CRYL1: variants seen among roughly 807,000 people sequenced by gnomAD.
CRYL1 encodes the protein lambda-crystallin homolog.
In CRYL1, 29 loss-of-function variants were observed where a neutral mutation model predicts 36.6. The observed-to-expected ratio is 0.79, with a 90% CI of 0.59 to 1.08. The LOEUF is 1.08. Among genes scored for constraint, CRYL1 ranks in the 50% least tolerant of loss-of-function variants. CRYL1 has a pLI of 0.00. For missense variants in CRYL1, 411 were observed against 407.9 expected (o/e 1.01, Z -0.06); for synonymous variants, 152 against 151.5 (o/e 1.00, Z -0.02).
chr13:20,448,428 T>C (rs144933011), intron 3 of CRYL1, among the ~76,000 whole-genome samples: 1 of 152,268 alleles, frequency 6.6e-6, no homozygotes, highest in African/African-American at 2.4e-5. Flanking sequence ...AGTAACCAAA[T>C]TCCATATCCA....
At chr13:20,429,152 G>A (rs1223093991) in intron 5 of CRYL1, among the ~76,000 whole-genome samples, 2 of 152,202 alleles carry the variant, frequency 1.3e-5, no homozygotes, top group African/African-American at 4.8e-5. Flanking sequence ...TCACTGAGGA[G>A]AAGCTCTGCA....
chr13:20,426,890 G>C, intron 5 of CRYL1: 1 of 985,484 alleles, frequency 1.0e-6, no homozygotes. Context: ...CTGCGGCCCA[G>C]GCCCTAAGGA....
chr13:20,509,478 C>T (rs933152361), intron 2 of CRYL1, among the ~76,000 whole-genome samples: 2 of 152,020 alleles, frequency 1.3e-5, no homozygotes, highest in Admixed American at 6.5e-5. Context: ...CACAGAGAGT[C>T]GCAGCAAATG....
chr13:20,450,646 A>G (rs1218555243), intron 3 of CRYL1, among the ~76,000 whole-genome samples: 5 of 152,336 alleles, frequency 3.3e-5, no homozygotes, highest in Non-Finnish European at 4.4e-5. Flanking sequence ...TGTGGAAGAC[A>G]GTGTGGCGAT....
At chr13:20,443,289 T>C (rs1248153501) in intron 3 of CRYL1, among the ~76,000 whole-genome samples, 7 of 152,214 alleles carry the variant, frequency 4.6e-5, no homozygotes. Context: ...CACTTGCTTA[T>C]GCAACATACA....
chr13:20,467,550 G>A (rs1040199480), intron 3 of CRYL1, among the ~76,000 whole-genome samples: 30 of 152,156 alleles, frequency 2.0e-4, no homozygotes, highest in African/African-American at 4.6e-4. Flanking sequence ...GGCCTTGCGT[G>A]GTAGCTCATG....
intron 6 of CRYL1, among the ~76,000 whole-genome samples, chr13:20,412,302 C>T (rs1187961719): frequency 6.6e-6 from 1 of 152,106 alleles, no homozygotes; most frequent in Admixed American, 6.6e-5. Flanking sequence ...ACTCTGGTCA[C>T]TTTTTTCTGG....
At chr13:20,432,760 G>A (rs2032100824) in intron 4 of CRYL1, among the ~76,000 whole-genome samples, 1 of 152,114 alleles carries the variant, frequency 6.6e-6, no homozygotes, top group African/African-American at 2.4e-5. Flanking sequence ...GCTCACACCT[G>A]TAATCCCAGA....
At chr13:20,462,660 A>G (rs1485249458) in intron 3 of CRYL1, among the ~76,000 whole-genome samples, 1 of 151,602 alleles carries the variant, frequency 6.6e-6, no homozygotes, top group Non-Finnish European at 1.5e-5. Flanking sequence ...TAAAGCTCTC[A>G]TCGGAAGGGC....
chr13:20,448,471 C>T (rs1336831275), intron 3 of CRYL1, among the ~76,000 whole-genome samples: 3 of 152,112 alleles, frequency 2.0e-5, no homozygotes, highest in Admixed American at 6.5e-5. Flanking sequence ...AGAATATACA[C>T]CTCTCCCTTC....
intron 3 of CRYL1, among the ~76,000 whole-genome samples, chr13:20,484,024 G>A (rs2033341190): frequency 6.6e-6 from 1 of 152,184 alleles, no homozygotes; most frequent in African/African-American, 2.4e-5. Flanking sequence ...CACCGTGTTA[G>A]CCAGGATGGT....
chr13:20,414,083 G>A (rs1247391357), intron 5 of CRYL1, among the ~76,000 whole-genome samples: 2 of 152,052 alleles, frequency 1.3e-5, no homozygotes, highest in African/African-American at 2.4e-5. Context: ...GCTGAGGCAC[G>A]AGAATCACTT....
chr13:20,484,225 T>C (rs995551331), intron 3 of CRYL1, among the ~76,000 whole-genome samples: 5 of 152,158 alleles, frequency 3.3e-5, no homozygotes, highest in African/African-American at 1.2e-4. Context: ...AAAGGAGCTG[T>C]GAGAGCTGCT....
At position 20,415,873 on chromosome 13, in the gene CRYL1, C is replaced by T. The variant is rs1027402194; in HGVS notation, c.634-2486G>A. Among the ~76,000 whole-genome samples the T allele has an allele frequency of 3.3e-5, 5 of 152,238 alleles. No homozygotes were observed. Among genetic ancestry groups the T allele is most frequent in the African/African-American group, 1.2e-4 (5 of 41,462 alleles). On this transcript the variant is annotated intron_variant, in intron 5 of 7. Coordinates refer to ENST00000298248, the MANE Select transcript of CRYL1 (RefSeq NM_015974.3). This position sits in a 1 kb window ranked among gnomAD's most constrained non-coding sequence, Gnocchi z 4.1. ...GCGCGTTCTTTCGTGACTTGTCTCTCACCATCCTGTTTCTCAGATTCACCT... is the reference window on the plus strand; with the variant it reads ...GCGCGTTCTTTCGTGACTTGTCTCTTACCATCCTGTTTCTCAGATTCACCT...
chr13:20,445,274 G>C (rs557673871), intron 3 of CRYL1, among the ~76,000 whole-genome samples: 34 of 152,216 alleles, frequency 2.2e-4, no homozygotes, highest in African/African-American at 7.0e-4. Context: ...CAAAAGCACA[G>C]ACAAAATGGC....
intron 5 of CRYL1, among the ~76,000 whole-genome samples, chr13:20,420,231 G>A (rs577679343): frequency 3.3e-5 from 5 of 152,344 alleles, no homozygotes; most frequent in Non-Finnish European, 5.9e-5. Context: ...AAGAGGACGC[G>A]CAGGAGTCAG....
At chr13:20,523,128 A>T (rs562869782) in intron 1 of CRYL1, among the ~76,000 whole-genome samples, 26 of 151,886 alleles carry the variant, frequency 1.7e-4, no homozygotes, top group African/African-American at 6.0e-4. Flanking sequence ...TGTTGGCCAG[A>T]CTGGTCTCGA....
intron 6 of CRYL1, among the ~76,000 whole-genome samples, chr13:20,410,073 T>C (rs368726728): frequency 6.6e-6 from 1 of 151,792 alleles, no homozygotes; most frequent in Admixed American, 6.6e-5. Flanking sequence ...GCTATAAAGA[T>C]ACATGCACAC....
chr13:20,405,958 G>C (rs1051765735), intron 6 of CRYL1: 1 of 152,296 alleles, frequency 6.6e-6, no homozygotes, highest in Non-Finnish European at 1.5e-5. Flanking sequence ...GCTGGTGCCG[G>C]CCTGTGCTTA....
Sources: gnomAD v4.1 joint callset for allele counts (sites outside exome capture counted in the v4.1 genomes callset) on GRCh38, gnomAD v4.1.1 for gene constraint, Gnocchi (gnomAD v3.1) non-coding constraint, MANE v1.5 for transcripts, NCBI Gene and HGNC (gene_info 2026-07-23, HGNC 2026-07-21) for gene names.